The following SUMF2 variants were observed in gnomAD, a reference collection of about 807,000 sequenced individuals.
SUMF2 encodes the protein inactive C-alpha-formylglycine-generating enzyme 2.
Under a neutral mutation model 44.8 loss-of-function variants are expected in SUMF2, and 45 were observed. The ratio of observed to expected loss-of-function variants is 1.00; its 90% CI spans 0.79 to 1.29. The LOEUF (loss-of-function observed/expected upper bound fraction) is 1.29. Among genes scored for constraint, SUMF2 ranks in the 50% most tolerant of loss-of-function variants. SUMF2 has a pLI of 0.00. For synonymous variants in SUMF2, 148 were observed against 150.4 expected (o/e 0.98, Z 0.12); for missense variants, 418 against 389.9 (o/e 1.07, Z -0.61).
downstream of SUMF2, chr7:56,081,858 C>T (rs1796014074): frequency 6.2e-7 from 1 of 1,612,054 alleles, no homozygotes; most frequent in Non-Finnish European, 8.5e-7. The surrounding 1 kb of genome is among the most constrained non-coding windows in gnomAD (Gnocchi z 4.6). Context: ...GCATCGCAGC[C>T]CTGAGCCCAG....
intron 3 of SUMF2, chr7:56,073,733 G>A (rs1004341421): frequency 4.9e-5 from 9 of 183,908 alleles, no homozygotes; most frequent in Non-Finnish European, 9.2e-5. Context: ...AGTCTCAGCT[G>A]GGCGCAGCAG....
rs186995901 is a variant in SUMF2, at chr7:56,064,324, G to T, written c.13G>T (p.Gly5Trp). 2 of 1,597,918 alleles carry T rather than the reference G, an allele frequency of 1.3e-6. No homozygotes were observed. The highest frequency in any genetic ancestry group is 1.7e-6 in the Non-Finnish European group (2 of 1,172,770). The change falls in exon 1 of 9, where the codon GGG becomes TGG. Residue 5 changes from glycine to tryptophan, a missense_variant. By Grantham distance (184) the Gly-to-Trp change is radical (BLOSUM62 -2). Coordinates refer to ENST00000434526, the MANE Select transcript of SUMF2 (RefSeq NM_015411.4). Reference sequence around the variant, plus strand: ...CGCGGCAGTCCTGATGGCCCGGCATGGGTTACCGCTGCTGCCCCTGCTGTC... The same window carrying T: ...CGCGGCAGTCCTGATGGCCCGGCATTGGTTACCGCTGCTGCCCCTGCTGTC... MARH[G>W]LPLLPLLSLL...
At chr7:56,076,591 C>T (rs974282051) in intron 5 of SUMF2, 2 of 398,868 alleles carry the variant, frequency 5.0e-6, no homozygotes, top group Non-Finnish European at 8.9e-6. Context: ...GCTTTATAAA[C>T]TGGCTCAGGT....
Position 56,078,212 on chromosome 7 carries a change from T to C in SUMF2, c.676+26T>C, listed in dbSNP as rs1339601334. ...GTAAGAGCTGTCTTGGGCTTGCGGC[T>C]GTGCCCATGAACTGGCTGTTGGGAC... is the stretch of plus-strand genomic sequence containing the variant. On this transcript the variant is annotated intron_variant, in intron 7 of 8. Coordinates refer to ENST00000434526, the MANE Select transcript of SUMF2 (RefSeq NM_015411.4). 8 of 1,599,096 alleles carry C rather than the reference T, an allele frequency of 5.0e-6. No individual in the cohort carries two copies. In the Admixed American group the frequency reaches 6.7e-5, roughly 13 times the overall value.
intron 4 of SUMF2, 82 bp from the exon 5 acceptor site, chr7:56,074,504 C>T (rs746012545): frequency 1.0e-4 from 160 of 1,550,682 alleles, no homozygotes; most frequent in Non-Finnish European, 1.3e-4. Context: ...GTGGTAAAAG[C>T]TGAACGCGGG....
chr7:56,074,903 G>C lies in SUMF2; in HGVS notation c.535+167G>C, dbSNP rs150208016. ...GCTTGAGGCCAGGAGTAAAAGACTA[G>C]CCTGGGCAATATAGGGAGACCCTGT... is the stretch of plus-strand genomic sequence containing the variant. On this transcript the variant is annotated intron_variant, in intron 5 of 8. Coordinates refer to ENST00000434526, the MANE Select transcript of SUMF2 (RefSeq NM_015411.4). The C allele has an allele frequency of 6.2e-4, 488 of 790,110 alleles. 2 individuals are homozygous for C. The African/African-American group carries it at 7.5e-3, about 12-fold the overall frequency. 48.9% of individuals were successfully genotyped at this position (790,110 alleles called of 1,614,324 possible).
chr7:56,068,681 ATC>A, intron 2 of SUMF2, 43 bp downstream of exon 2: 1 of 1,570,444 alleles, frequency 6.4e-7, no homozygotes, highest in Non-Finnish European at 8.6e-7. Context: ...ACCCTCTCTA[ATC>A]TCATTCTTTT....
At chr7:56,081,487 G>A (rs760904349), downstream of SUMF2, 353 of 1,237,760 alleles carry the variant, frequency 2.9e-4, no homozygotes, top group Non-Finnish European at 3.7e-4. This position sits in a 1 kb window ranked among gnomAD's most constrained non-coding sequence, Gnocchi z 4.6. Context: ...GACACCTGCC[G>A]TCTTTGAAGC....
chr7:56,064,874 C>T (rs1336367422), intron 1 of SUMF2, among the ~76,000 whole-genome samples: 2 of 82,848 alleles, frequency 2.4e-5, no homozygotes, highest in African/African-American at 9.9e-5. Context: ...CAGATCGATA[C>T]TTTATCTCAA....
rs1164402063 is a variant in SUMF2 at position 56,080,126 on chromosome 7, T to C, written c.*514T>C. 2 of 492,532 alleles carry C rather than the reference T, an allele frequency of 4.1e-6. No homozygotes were observed. The highest frequency in any genetic ancestry group is 7.2e-6 in the Non-Finnish European group (2 of 276,128). 30.5% of individuals were successfully genotyped at this position (492,532 alleles called of 1,614,324 possible). A position where few individuals can be genotyped will look rare whatever the true frequency, so the allele number is the denominator to read the frequency against. On this transcript the variant is annotated 3_prime_UTR_variant, in exon 9 of 9. Coordinates refer to ENST00000434526, the MANE Select transcript of SUMF2 (RefSeq NM_015411.4). ...GTTTCCACTGTGTAACAGGCAGACA[T>C]GTAACTATTTAAAGCACAGTTCAGT...
chr7:56,079,427 C>T, intron 8 of SUMF2, 101 bp from the exon 9 acceptor site: 1 of 1,217,330 alleles, frequency 8.2e-7, no homozygotes, highest in Admixed American at 2.1e-5. Flanking sequence ...CCTCATGCTC[C>T]CTGATCATGG....
chr7:56,071,238 T>C (rs1267039296), intron 2 of SUMF2, among the ~76,000 whole-genome samples: 1 of 152,110 alleles, frequency 6.6e-6, no homozygotes, highest in African/African-American at 2.4e-5. Context: ...GCACCTGTAG[T>C]CACAGCTACT....
chr7:56,082,345 C>T (rs369287348), downstream of SUMF2: 8 of 1,010,176 alleles, frequency 7.9e-6, no homozygotes, highest in East Asian at 1.2e-4. Context: ...ATAATCCTAG[C>T]ACTTTGGGAG....
chr7:56,079,557 A>C lies in SUMF2; in HGVS notation c.851A>C (p.Asp284Ala). The stretch of plus-strand genomic sequence containing the variant: ...GGCAACACTCCAGATTCAGCCTCAG[A>C]CAACCTCGGTTTCCGCTGTGCTGCA... Reference protein sequence around the residue: ...RMGNTPDSASDNLGFRCAADA... With the variant: ...RMGNTPDSASANLGFRCAADA... Residue 284 changes from aspartate (D) to alanine (A), a missense_variant, in exon 9 of 9, where the codon GAC becomes GCC. Asp to Ala is a moderately radical substitution (Grantham distance 126, BLOSUM62 -2). Transcript: ENST00000434526. 6.2e-7 allele frequency: 1 copy of C among 1,613,940 alleles called. No individual in the cohort carries two copies. The highest frequency in any genetic ancestry group is 1.7e-5 in the Admixed American group (1 of 60,018).
downstream of SUMF2, chr7:56,083,546 C>T (rs1177733089): frequency 4.5e-5 from 68 of 1,512,274 alleles, no homozygotes; most frequent in African/African-American, 8.2e-5. Flanking sequence ...GCAGCACACA[C>T]GCCCAGCCCA....
At chr7:56,069,834 G>A (rs1251052090) in intron 2 of SUMF2, among the ~76,000 whole-genome samples, 4 of 151,782 alleles carry the variant, frequency 2.6e-5, no homozygotes, top group East Asian at 1.9e-4. Flanking sequence ...TCCTTCTGCC[G>A]TGGCCTCCCA....
At chr7:56,074,313 C>A in intron 4 of SUMF2, 95 bp downstream of exon 4, 1 of 1,341,290 alleles carries the variant, frequency 7.5e-7, no homozygotes, top group Non-Finnish European at 1.1e-6. Flanking sequence ...TCCAGGAACA[C>A]TGAGTTTCAA....
rs1562872835 is a variant in SUMF2, at chr7:56,079,814, A to G, written c.*202A>G. On this transcript the variant is annotated 3_prime_UTR_variant, in exon 9 of 9. Coordinates refer to ENST00000434526, the MANE Select transcript of SUMF2 (RefSeq NM_015411.4). ...TCCTGTGTTTTGGAGAAGGGGCCCA[A>G]TGTGTGTTGACGATGGCTGGGGGCC... 1 of 1,552,508 alleles carries G rather than the reference A, an allele frequency of 6.4e-7. No individual in the cohort carries two copies. Among genetic ancestry groups the G allele is most frequent in the Admixed American group, 2.0e-5 (1 of 51,024 alleles).
chr7:56,082,152 G>A (rs777245675), downstream of SUMF2: 12 of 1,613,256 alleles, frequency 7.4e-6, no homozygotes, highest in African/African-American at 1.3e-5. Context: ...CTCCTTTCCC[G>A]GCGCACTCAC....
Sources: gnomAD v4.1 joint callset for allele counts (sites outside exome capture counted in the v4.1 genomes callset) on GRCh38, gnomAD v4.1.1 for gene constraint, Gnocchi (gnomAD v3.1) non-coding constraint, MANE v1.5 for transcripts, NCBI Gene and HGNC (gene_info 2026-07-23, HGNC 2026-07-21) for gene names.